PKHD1L1: variants seen among roughly 807,000 people sequenced by gnomAD.
PKHD1L1 encodes fibrocystin-L.
In PKHD1L1, 434 loss-of-function variants were observed where a neutral mutation model predicts 462.9. The observed-to-expected ratio is 0.94, with a 90% CI of 0.87 to 1.02. The LOEUF is 1.02. PKHD1L1 is among the 50% of genes least tolerant of loss of function. The pLI, the probability that PKHD1L1 is intolerant of heterozygous loss-of-function variation, is 0.00. For synonymous variants in PKHD1L1, 1,781 were observed against 1,750.0 expected, an observed-to-expected ratio of 1.02 and a Z score of -0.44; for missense variants, 5,202 against 5,096.1, an observed-to-expected ratio of 1.02 and a Z score of -0.63.
Position 109,451,952 on chromosome 8 carries a change from A to C in PKHD1L1, c.6351-172A>C, listed in dbSNP as rs540211247. Among the ~76,000 whole-genome samples the C allele has an allele frequency of 9.7e-4, 147 of 152,284 alleles. 1 individual carries two copies. The highest frequency in any genetic ancestry group is 1.7e-3 in the South Asian group (8 of 4,826). On this transcript the variant is annotated intron_variant, in intron 41 of 77. Transcript: ENST00000378402. ...TTAACCTCTTTGTTTACTTTTTTTC[A>C]ATAAATATTTTGAAGTCTTAATATT...
Position 109,445,568 on chromosome 8 carries a change from C to T in PKHD1L1, c.5699C>T (p.Thr1900Ile). The T allele has an allele frequency of 2.5e-6, 4 of 1,611,752 alleles. No individual in the cohort carries two copies. The highest frequency in any genetic ancestry group is 3.4e-6 in the Non-Finnish European group (4 of 1,178,674). The change falls in exon 38 of 78, where the codon ACA becomes ATA. Residue 1900 changes from threonine to isoleucine, a missense_variant. Coordinates refer to ENST00000378402, the MANE Select transcript of PKHD1L1 (RefSeq NM_177531.6). ...GMVDVKIFVN[T>I]IAYPPLLFTY... ...GTCGATGTTAAAATCTTTGTTAATACAATTGCTTATCCACCTTTGCTTTTT... is the reference window on the plus strand; with the variant it reads ...GTCGATGTTAAAATCTTTGTTAATATAATTGCTTATCCACCTTTGCTTTTT...
At chr8:109,508,715 G>A (rs1182529386) in intron 70 of PKHD1L1, among the ~76,000 whole-genome samples, 2 of 152,248 alleles carry the variant, frequency 1.3e-5, no homozygotes, top group East Asian at 3.9e-4. Flanking sequence ...TTATGCTCAT[G>A]AATCTTTGGA....
chr8:109,457,305 C>A (rs1816879095), intron 46 of PKHD1L1, among the ~76,000 whole-genome samples: 1 of 152,094 alleles, frequency 6.6e-6, no homozygotes, highest in Admixed American at 6.6e-5. Flanking sequence ...CTTTAGTGCT[C>A]ATTTTGTTCT....
chr8:109,462,500 C>A (rs576230056), intron 48 of PKHD1L1, among the ~76,000 whole-genome samples: 2 of 152,172 alleles, frequency 1.3e-5, no homozygotes, highest in South Asian at 4.2e-4. Context: ...TCATGTCAAG[C>A]ACATTCCTAT....
chr8:109,414,671 A>G (rs1263310764), intron 21 of PKHD1L1, among the ~76,000 whole-genome samples: 1 of 152,124 alleles, frequency 6.6e-6, no homozygotes, highest in Non-Finnish European at 1.5e-5. Context: ...CGTAGAATAG[A>G]ACTCTGTAAC....
At chr8:109,495,963 T>C (rs1208458749) in intron 63 of PKHD1L1, among the ~76,000 whole-genome samples, 2 of 152,220 alleles carry the variant, frequency 1.3e-5, no homozygotes, top group Non-Finnish European at 2.9e-5. Context: ...ATAGTTGCCA[T>C]TTATTGAGAG....
rs1020215573 is a variant in PKHD1L1, at chr8:109,497,201, G to T, written c.10528G>T (p.Ala3510Ser). The change falls in exon 65 of 78, where the codon GCC (alanine) becomes TCC (serine). Residue 3510 changes from alanine to serine, a missense_variant. Transcript: ENST00000378402. ...TGTGACCCTGGTTGACAATGGAATG[G>T]CCATTTTTCCAATGATTTACATGCC... is the stretch of plus-strand genomic sequence containing the variant. ...YNVTLVDNGM[A>S]IFPMIYMPAA... 1 of 1,613,492 alleles carries T rather than the reference G, an allele frequency of 6.2e-7. No homozygotes were observed. The highest frequency in any genetic ancestry group is 8.5e-7 in the Non-Finnish European group (1 of 1,179,642).
intron 59 of PKHD1L1, among the ~76,000 whole-genome samples, chr8:109,488,951 C>T (rs1209538738): frequency 6.6e-6 from 1 of 151,958 alleles, no homozygotes; most frequent in Admixed American, 6.6e-5. Flanking sequence ...GTGTCTTTCT[C>T]ACTTCAAATT....
In PKHD1L1 at chr8:109,419,047, CT is replaced by C. The variant is rs558987786; in HGVS notation, c.2361-48del. On this transcript the variant is annotated intron_variant, in intron 21 of 77. Transcript: ENST00000378402. Reference sequence around the variant, plus strand: ...TTTAATGCTTTCTAAAGTGTATTTGCTTAAACATTACCACTGATCTATACAA... The same window carrying C: ...TTTAATGCTTTCTAAAGTGTATTTGCTAAACATTACCACTGATCTATACAA... The C allele has an allele frequency of 2.6e-5, 38 of 1,458,180 alleles. No individual in the cohort carries two copies. In the South Asian group the frequency reaches 4.7e-4, roughly 18 times the overall value. 90.3% of individuals were successfully genotyped at this position (1,458,180 alleles called of 1,614,324 possible).
intron 73 of PKHD1L1, among the ~76,000 whole-genome samples, chr8:109,520,777 G>GGC (rs1820510189): frequency 8.3e-6 from 1 of 120,442 alleles, no homozygotes; most frequent in African/African-American, 3.4e-5. Flanking sequence ...TTTATGAGCA[G>GGC]ACAGTCCTAC....
At chr8:109,368,305 T>C (rs1171312381) in intron 2 of PKHD1L1, among the ~76,000 whole-genome samples, 1 of 152,222 alleles carries the variant, frequency 6.6e-6, no homozygotes, top group Middle Eastern at 3.2e-3. Context: ...ACAGAAAGCA[T>C]ATGGACTTTG....
chr8:109,390,534 A>T (rs2130479562), intron 9 of PKHD1L1, 40 bp downstream of exon 9: 2 of 1,142,612 alleles, frequency 1.8e-6, no homozygotes, highest in East Asian at 5.4e-5. Context: ...TAATTGATTC[A>T]ACAGGGTAAA....
intron 73 of PKHD1L1, 40 bp from the exon 74 acceptor site, chr8:109,522,146 T>C (rs377045774): frequency 2.6e-6 from 4 of 1,521,260 alleles, no homozygotes; most frequent in African/African-American, 2.8e-5. Context: ...CACAATTCTA[T>C]ACTTTTATAA....
intron 59 of PKHD1L1, among the ~76,000 whole-genome samples, chr8:109,488,033 T>C (rs939798776): frequency 6.6e-6 from 1 of 151,954 alleles, no homozygotes; most frequent in African/African-American, 2.4e-5. Context: ...GTTTCTCTTC[T>C]TACAATGTTA....
chr8:109,462,032 T>G, intron 48 of PKHD1L1, 124 bp downstream of exon 48: 1 of 1,177,854 alleles, frequency 8.5e-7, no homozygotes. Context: ...GATACATAAG[T>G]AAACAATTTT....
At chr8:109,529,892 A>G (rs1446291334) in intron 77 of PKHD1L1, among the ~76,000 whole-genome samples, 188 bp from the exon 78 acceptor site, 1 of 152,152 alleles carries the variant, frequency 6.6e-6, no homozygotes, top group African/African-American at 2.4e-5. Context: ...ACAATCTTGT[A>G]TAAGCACCAC....
intron 28 of PKHD1L1, among the ~76,000 whole-genome samples, chr8:109,434,119 G>A (rs762858926): frequency 2.0e-5 from 3 of 152,106 alleles, no homozygotes; most frequent in South Asian, 2.1e-4. Context: ...GGCTAGGGGA[G>A]GGATAGCATT....
In PKHD1L1 at chr8:109,485,121, G is replaced by A; in HGVS notation, c.9654G>A (p.Leu3218=). Residue 3218 remains leucine (L), a synonymous_variant, in exon 58 of 78, where the codon CTG becomes CTA. Transcript: ENST00000378402. ...AAACAAGAAGTATCGTTAAAATCCT[G>A]CATGATCATAAAATTCTCATTCTTA... ...QTETRSIVKI[L]HDHKILILND... is the part of the protein sequence containing the mutation. 6.3e-7 allele frequency: 1 copy of A among 1,598,522 alleles called. No homozygotes were observed. The highest frequency in any genetic ancestry group is 1.1e-5 in the South Asian group (1 of 87,928).
chr8:109,400,348 G>A lies in PKHD1L1; in HGVS notation c.1281+4G>A. The A allele has an allele frequency of 6.2e-7, 1 of 1,611,532 alleles. No individual in the cohort carries two copies. The highest frequency in any genetic ancestry group is 1.7e-4 in the Middle Eastern group (1 of 6,034). ...GACTGGACTTCCAGAAGATAAGGTA[G>A]GGAAGCCTCAGAATACTATTTGATA... On this transcript the variant is annotated splice_donor_region_variant and intron_variant, in intron 13 of 77. Coordinates refer to ENST00000378402, the MANE Select transcript of PKHD1L1 (RefSeq NM_177531.6).
Sources: gnomAD v4.1 joint callset for allele counts (sites outside exome capture counted in the v4.1 genomes callset) on GRCh38, gnomAD v4.1.1 for gene constraint, MANE v1.5 for transcripts, NCBI Gene and HGNC (gene_info 2026-07-23, HGNC 2026-07-21) for gene names.